The following ELAPOR2 variants were observed in gnomAD, a reference collection of about 807,000 sequenced individuals.
The protein encoded by ELAPOR2 is endosome/lysosome-associated apoptosis and autophagy regulator family member 2.
In ELAPOR2, 89 loss-of-function variants were observed where a neutral mutation model predicts 120.7. The ratio of observed to expected loss-of-function variants is 0.74; its 90% CI spans 0.62 to 0.88. The LOEUF (loss-of-function observed/expected upper bound fraction) is 0.88, where lower values mean the gene tolerates loss of function less well. ELAPOR2 is among the 40% of genes least tolerant of loss of function. The pLI is 0.00. For synonymous variants in ELAPOR2, 444 were observed against 444.9 expected (o/e 1.00, Z 0.03); for missense variants, 1,134 against 1,251.6 (o/e 0.91, Z 1.42).
At chr7:86,961,542 C>T (rs61555548) in intron 2 of ELAPOR2, among the ~76,000 whole-genome samples, 21 of 152,330 alleles carry the variant, frequency 1.4e-4, no homozygotes, top group Middle Eastern at 3.4e-3. Flanking sequence ...AGCAAAAGGG[C>T]TTTGTCCCAA....
intron 1 of ELAPOR2, among the ~76,000 whole-genome samples, chr7:86,984,092 A>C (rs1468915774): frequency 1.3e-5 from 2 of 152,204 alleles, no homozygotes; most frequent in Non-Finnish European, 1.5e-5. Flanking sequence ...AAAAGAGAGG[A>C]AGGCCACTAC....
At chr7:87,043,802 A>C (rs1012144610) in intron 1 of ELAPOR2, among the ~76,000 whole-genome samples, 1 of 151,330 alleles carries the variant, frequency 6.6e-6, no homozygotes, top group East Asian at 1.9e-4. Flanking sequence ...TTCAATTAGG[A>C]AAAGAGGAAG....
chr7:86,955,522 AAATACT>A (rs1340312420), intron 2 of ELAPOR2, among the ~76,000 whole-genome samples: 1 of 152,114 alleles, frequency 6.6e-6, no homozygotes, highest in African/African-American at 2.4e-5. Flanking sequence ...AACACTGTCC[AAATACT>A]AATAGTGGCA....
chr7:87,044,288 C>T (rs1453137838), intron 1 of ELAPOR2, among the ~76,000 whole-genome samples: 1 of 68,600 alleles, frequency 1.5e-5, no homozygotes, highest in Non-Finnish European at 2.8e-5. Flanking sequence ...AAAAAGAGCC[C>T]GCATCGCCAA....
At chr7:86,942,202 C>T (rs1790828817) in intron 4 of ELAPOR2, 98 bp from the exon 5 acceptor site, 2 of 631,078 alleles carry the variant, frequency 3.2e-6, no homozygotes, top group African/African-American at 3.7e-5. Flanking sequence ...CGTTCAATAC[C>T]TTCTAAACAA....
Position 86,907,922 on chromosome 7 carries a change from G to A in ELAPOR2, c.2457-151C>T, listed in dbSNP as rs759895990. The A allele has an allele frequency of 8.2e-5, 38 of 463,984 alleles. No homozygotes were observed. In the Middle Eastern group the frequency reaches 2.5e-3, roughly 31 times the overall value. The allele number at this position is 463,984 out of a possible 1,614,324, so 28.7% of individuals were successfully genotyped here. A position where few individuals can be genotyped will look rare whatever the true frequency, so the allele number is the denominator to read the frequency against. ...AATTTGTAATTTTAATACAAATTCA[G>A]CTCATTTACTTTCATTGCCTATGAA... On this transcript the variant is annotated intron_variant, in intron 17 of 21. Coordinates refer to ENST00000450689, the MANE Select transcript of ELAPOR2 (RefSeq NM_001142749.3).
intron 1 of ELAPOR2, among the ~76,000 whole-genome samples, chr7:87,057,955 T>C (rs1044454518): frequency 1.6e-4 from 24 of 152,336 alleles, no homozygotes; most frequent in African/African-American, 5.8e-4. Flanking sequence ...CAGCTTTCTG[T>C]GGAAACCTGG....
chr7:86,914,556 T>A (rs1789469614), intron 13 of ELAPOR2, among the ~76,000 whole-genome samples, 167 bp downstream of exon 13: 1 of 152,160 alleles, frequency 6.6e-6, no homozygotes. Flanking sequence ...TCTCAAAAAA[T>A]AAAAAATTAT....
intron 2 of ELAPOR2, among the ~76,000 whole-genome samples, chr7:86,950,457 T>G (rs1791198339): frequency 6.6e-6 from 1 of 152,162 alleles, no homozygotes; most frequent in African/African-American, 2.4e-5. Flanking sequence ...TCTTTGGGGC[T>G]CTGTAGTTCC....
At chr7:86,993,246 A>AAGAAAAG (rs1554402330) in intron 1 of ELAPOR2, among the ~76,000 whole-genome samples, 5 of 143,990 alleles carry the variant, frequency 3.5e-5, no homozygotes, top group Admixed American at 7.0e-5. Flanking sequence ...AAAAAAAAAA[A>AAGAAAAG]AAAAGAAAAA....
chr7:86,943,821 A>G (rs189125605), intron 4 of ELAPOR2, among the ~76,000 whole-genome samples: 319 of 152,222 alleles, frequency 2.1e-3, no homozygotes, highest in African/African-American at 7.5e-3. Context: ...ATGTTGCTTA[A>G]CATTTTAAAC....
chr7:86,944,944 G>A lies in ELAPOR2; in HGVS notation c.609C>T (p.Phe203=). The A allele has an allele frequency of 6.5e-7, 1 of 1,550,242 alleles. No individual in the cohort carries two copies. The highest frequency in any genetic ancestry group is 8.7e-7 in the Non-Finnish European group (1 of 1,146,420). ...AVHLKKSGYV[F]FEYQYVDNNI... ...TGTTGTCGACATACTGGTACTCAAA[G>A]AAGACATAGCCTGACTTCTTAAGGT... is the stretch of plus-strand genomic sequence containing the variant. Residue 203 remains phenylalanine (F), a synonymous_variant, in exon 4 of 22, where the codon TTC becomes TTT. Transcript: ENST00000450689.
At chr7:87,012,629 T>G (rs982906111) in intron 1 of ELAPOR2, among the ~76,000 whole-genome samples, 3 of 152,210 alleles carry the variant, frequency 2.0e-5, no homozygotes, top group Non-Finnish European at 2.9e-5. Flanking sequence ...TTAGAAGTAC[T>G]TTGTTCAGTA....
At chr7:86,925,847 T>C (rs1257324086) in intron 9 of ELAPOR2, among the ~76,000 whole-genome samples, 191 bp from the exon 10 acceptor site, 1 of 152,004 alleles carries the variant, frequency 6.6e-6, no homozygotes, top group Non-Finnish European at 1.5e-5. Context: ...ATTCTAGATA[T>C]ATTATACATA....
At chr7:86,983,126 A>T (rs1184621387) in intron 1 of ELAPOR2, among the ~76,000 whole-genome samples, 1 of 152,182 alleles carries the variant, frequency 6.6e-6, no homozygotes, top group Admixed American at 6.5e-5. Flanking sequence ...GCAAGAAGAG[A>T]AGTTTAGAGA....
chr7:86,966,870 G>T (rs1193493488), intron 1 of ELAPOR2, among the ~76,000 whole-genome samples: 1 of 152,110 alleles, frequency 6.6e-6, no homozygotes, highest in Non-Finnish European at 1.5e-5. Flanking sequence ...CATCACTCCA[G>T]TCTCTGCCTC....
intron 1 of ELAPOR2, among the ~76,000 whole-genome samples, chr7:87,057,011 CCTCA>C (rs1795285423): frequency 6.6e-6 from 1 of 152,152 alleles, no homozygotes; most frequent in African/African-American, 2.4e-5. Context: ...CTTTAACTGC[CCTCA>C]CTCTGTTCCC....
intron 1 of ELAPOR2, among the ~76,000 whole-genome samples, chr7:87,058,359 A>G (rs544119567): frequency 1.3e-5 from 2 of 152,324 alleles, no homozygotes; most frequent in Admixed American, 1.3e-4. Flanking sequence ...CTGATTCCTA[A>G]CAATCTTCCT....
At chr7:86,895,584 A>T (rs946454753) in intron 19 of ELAPOR2, among the ~76,000 whole-genome samples, 2 of 152,120 alleles carry the variant, frequency 1.3e-5, no homozygotes, top group African/African-American at 4.8e-5. Context: ...GCAAAAACAA[A>T]TACTAAAGAA....
Sources: allele counts gnomAD v4.1 joint callset (sites outside exome capture counted in the v4.1 genomes callset), GRCh38; gene constraint gnomAD v4.1.1; transcripts MANE v1.5; gene names NCBI Gene and HGNC (gene_info 2026-07-23, HGNC 2026-07-21).